The following LRRC1 variants were observed in gnomAD, a reference collection of about 807,000 sequenced individuals.
The protein encoded by LRRC1 is leucine-rich repeat-containing protein 1.
In LRRC1, 28 loss-of-function variants were observed where a neutral mutation model predicts 69.9. The observed-to-expected ratio is 0.40, with a 90% CI of 0.30 to 0.55. The LOEUF (loss-of-function observed/expected upper bound fraction) is 0.55, where lower values mean the gene tolerates loss of function less well. LRRC1 is among the 20% of genes least tolerant of loss of function. The probability of loss-of-function intolerance (pLI) is 0.47; values close to 1 mark genes in which losing one functional copy is unlikely to be tolerated. For synonymous variants in LRRC1, 236 were observed against 240.2 expected, an observed-to-expected ratio of 0.98 and a Z score of 0.16; for missense variants, 498 against 609.0, an observed-to-expected ratio of 0.82 and a Z score of 1.92.
chr6:53,804,799 A>G (rs1764591781), intron 1 of LRRC1, among the ~76,000 whole-genome samples: 1 of 152,262 alleles, frequency 6.6e-6, no homozygotes, highest in South Asian at 2.1e-4. Context: ...ATGGATATGT[A>G]CTTTACAAAA....
At chr6:53,910,754 CAT>C (rs1768382006) in intron 10 of LRRC1, among the ~76,000 whole-genome samples, 2 of 152,254 alleles carry the variant, frequency 1.3e-5, no homozygotes, top group African/African-American at 4.8e-5. Context: ...AACCACAAAA[CAT>C]ATGACTGAGC....
intron 2 of LRRC1, among the ~76,000 whole-genome samples, chr6:53,849,245 CT>C (rs1409715285): frequency 6.6e-6 from 1 of 152,178 alleles, no homozygotes; most frequent in Non-Finnish European, 1.5e-5. Context: ...CATTCATTCA[CT>C]TTATCCGTAC....
At chr6:53,898,714 A>G (rs1302181659) in intron 7 of LRRC1, among the ~76,000 whole-genome samples, 3 of 152,228 alleles carry the variant, frequency 2.0e-5, no homozygotes, top group African/African-American at 7.2e-5. Flanking sequence ...AAGTAAAACA[A>G]CTTCAGGGAT....
At chr6:53,857,789 C>G (rs1766360464) in intron 2 of LRRC1, among the ~76,000 whole-genome samples, 1 of 152,204 alleles carries the variant, frequency 6.6e-6, no homozygotes, top group Non-Finnish European at 1.5e-5. Flanking sequence ...TTTCCCTTGA[C>G]TGTTTTTGAA....
intron 1 of LRRC1, among the ~76,000 whole-genome samples, chr6:53,821,204 G>A (rs965349622): frequency 9.9e-5 from 15 of 152,116 alleles, no homozygotes; most frequent in African/African-American, 3.6e-4. Context: ...ATGCTTTGTG[G>A]GTTCTCATGT....
chr6:53,802,720 A>G (rs2127402555), intron 1 of LRRC1, among the ~76,000 whole-genome samples: 1 of 152,236 alleles, frequency 6.6e-6, no homozygotes, highest in East Asian at 1.9e-4. Flanking sequence ...GAGTAATATG[A>G]ATGTATATTT....
At chr6:53,845,376 A>G (rs1765911103) in intron 2 of LRRC1, among the ~76,000 whole-genome samples, 1 of 152,172 alleles carries the variant, frequency 6.6e-6, no homozygotes, top group South Asian at 2.1e-4. Flanking sequence ...TGAATACCCT[A>G]GGTAACCGAG....
chr6:53,800,247 C>CT (rs55960000), intron 1 of LRRC1, among the ~76,000 whole-genome samples: 1,308 of 89,478 alleles, frequency 0.015, 49 homozygotes, highest in African/African-American at 0.049. Context: ...GTTTCTTTTT[C>CT]TTTTTTTTTT....
chr6:53,822,481 A>G (rs17748452), intron 1 of LRRC1, among the ~76,000 whole-genome samples: 22,856 of 152,190 alleles, frequency 0.15, 2,273 homozygotes, highest in Middle Eastern at 0.31. Context: ...TGGCATTTCC[A>G]TTATCTTCAT....
chr6:53,872,653 C>A (rs1766926973), intron 2 of LRRC1, among the ~76,000 whole-genome samples: 1 of 150,314 alleles, frequency 6.7e-6, no homozygotes, highest in African/African-American at 2.5e-5. Flanking sequence ...ATTGTTTTTT[C>A]TATTTCTATG....
At chr6:53,905,962 T>C (rs550667523) in intron 10 of LRRC1, among the ~76,000 whole-genome samples, 1 of 152,336 alleles carries the variant, frequency 6.6e-6, no homozygotes, top group Non-Finnish European at 1.5e-5. Context: ...ACAGAACTGA[T>C]ATTCTGAACA....
intron 1 of LRRC1, among the ~76,000 whole-genome samples, chr6:53,818,022 A>G (rs1273368616): frequency 6.6e-6 from 1 of 152,252 alleles, no homozygotes; most frequent in African/African-American, 2.4e-5. Context: ...TGGACATGGT[A>G]AGACATGAAT....
At chr6:53,902,828 A>C (rs1057237279) in intron 9 of LRRC1, 81 bp downstream of exon 9, 6 of 848,600 alleles carry the variant, frequency 7.1e-6, no homozygotes, top group Non-Finnish European at 1.1e-5. Context: ...GACTAAATGG[A>C]AATTTCTTCA....
At chr6:53,901,918 G>A (rs1216558340) in intron 8 of LRRC1, among the ~76,000 whole-genome samples, 2 of 152,224 alleles carry the variant, frequency 1.3e-5, no homozygotes, top group Non-Finnish European at 2.9e-5. Context: ...AATAGAGGAT[G>A]TTTTCTGATG....
chr6:53,795,462 C>G (rs1764267076), intron 1 of LRRC1, 47 bp downstream of exon 1: 8 of 1,556,506 alleles, frequency 5.1e-6, no homozygotes, highest in Non-Finnish European at 6.1e-6. Context: ...CGTCTGCTGT[C>G]CCTTCCGCTC....
chr6:53,881,778 C>A (rs891089453), intron 3 of LRRC1, among the ~76,000 whole-genome samples: 1 of 152,110 alleles, frequency 6.6e-6, no homozygotes, highest in Non-Finnish European at 1.5e-5. Context: ...GTTCTGTTGT[C>A]TTTATTAGCA....
chr6:53,886,361 C>T (rs1581899626), intron 4 of LRRC1, among the ~76,000 whole-genome samples: 2 of 152,218 alleles, frequency 1.3e-5, no homozygotes, highest in Non-Finnish European at 2.9e-5. Flanking sequence ...GCTATACATA[C>T]ATTTAAGAAA....
intron 3 of LRRC1, among the ~76,000 whole-genome samples, chr6:53,879,698 T>C (rs1302078095): frequency 7.9e-5 from 12 of 151,880 alleles, no homozygotes; most frequent in Non-Finnish European, 1.8e-4. Context: ...CTGTGAGGAT[T>C]TCTTTTTTTT....
At chr6:53,828,169 CAA>C (rs35639473) in intron 1 of LRRC1, among the ~76,000 whole-genome samples, 21 of 135,196 alleles carry the variant, frequency 1.6e-4, no homozygotes, top group East Asian at 6.4e-4. Flanking sequence ...GTTCAAAGGC[CAA>C]AAAAAAAAAA....
Sources: allele counts gnomAD v4.1 joint callset (sites outside exome capture counted in the v4.1 genomes callset), GRCh38; gene constraint gnomAD v4.1.1; transcripts MANE v1.5; gene names NCBI Gene and HGNC (gene_info 2026-07-23, HGNC 2026-07-21).